The following CPS1 variants were observed in gnomAD, a reference collection of about 807,000 sequenced individuals.
CPS1 encodes carbamoyl-phosphate synthase 1.
A neutral mutation model predicts 174.6 loss-of-function variants in CPS1; 109 were observed. The observed-to-expected ratio is 0.62, with a 90% CI of 0.53 to 0.73. The LOEUF is 0.73. CPS1 is among the 30% of genes least tolerant of loss of function. CPS1 has a pLI of 0.00. For synonymous variants in CPS1, 637 were observed against 632.0 expected (o/e 1.01, Z -0.12); for missense variants, 1,689 against 1,821.9 (o/e 0.93, Z 1.33).
At chr2:210,665,066 G>C (rs1701047033) in intron 33 of CPS1, among the ~76,000 whole-genome samples, 1 of 152,190 alleles carries the variant, frequency 6.6e-6, no homozygotes, top group Non-Finnish European at 1.5e-5. Context: ...AACCTCGTCT[G>C]TGTTGTTGCA....
At chr2:210,615,491 A>G (rs1318127414) in intron 20 of CPS1, among the ~76,000 whole-genome samples, 2 of 152,116 alleles carry the variant, frequency 1.3e-5, no homozygotes, top group African/African-American at 4.8e-5. Context: ...CAGCAGAGTT[A>G]CTAGTTGCAT....
At chr2:210,560,403 T>C (rs1360033305) in intron 1 of CPS1, among the ~76,000 whole-genome samples, 1 of 152,172 alleles carries the variant, frequency 6.6e-6, no homozygotes, top group Non-Finnish European at 1.5e-5. Flanking sequence ...GTTTTATTTT[T>C]ACTTGCAAAT....
intron 1 of CPS1, among the ~76,000 whole-genome samples, chr2:210,550,279 C>T (rs1412635299): frequency 6.6e-6 from 1 of 151,830 alleles, no homozygotes; most frequent in Non-Finnish European, 1.5e-5. Flanking sequence ...CTTTTGCTAC[C>T]TCCCACTCAT....
intron 1 of CPS1, among the ~76,000 whole-genome samples, chr2:210,524,449 C>T (rs1311652681): frequency 6.6e-6 from 1 of 151,946 alleles, no homozygotes; most frequent in Admixed American, 6.6e-5. Flanking sequence ...AAGTTCCTGT[C>T]TCCATGGAGC....
chr2:210,542,559 A>G (rs1696460896), intron 1 of CPS1, among the ~76,000 whole-genome samples: 1 of 152,006 alleles, frequency 6.6e-6, no homozygotes, highest in East Asian at 1.9e-4. Flanking sequence ...CCTCCTAACA[A>G]AAACCAATCC....
intron 20 of CPS1, among the ~76,000 whole-genome samples, chr2:210,613,969 GAAGGGGAAA>G (rs1699219915): frequency 1.3e-5 from 2 of 152,010 alleles, no homozygotes; most frequent in African/African-American, 4.8e-5. Context: ...GTGGAGGGCT[GAAGGGGAAA>G]AAGAATGAAG....
chr2:210,504,366 A>G (rs1396091877), intron 1 of CPS1, among the ~76,000 whole-genome samples: 1 of 152,270 alleles, frequency 6.6e-6, no homozygotes, highest in East Asian at 1.9e-4. Context: ...TAAATTTTAC[A>G]TTAATAGCTA....
intron 34 of CPS1, 125 bp downstream of exon 34, chr2:210,668,409 TC>T: frequency 1.3e-6 from 1 of 762,842 alleles, no homozygotes; most frequent in Admixed American, 1.9e-5. Flanking sequence ...TATGGCAACT[TC>T]CAGGAAGAAG....
chr2:210,675,108 G>A (rs914023137), intron 35 of CPS1, 147 bp downstream of exon 35: 2 of 697,174 alleles, frequency 2.9e-6, no homozygotes, highest in African/African-American at 3.6e-5. Flanking sequence ...AAAACTTAGA[G>A]TCAAATCATT....
intron 33 of CPS1, 96 bp from the exon 34 acceptor site, chr2:210,668,076 ATGTGTGTGTGTGTG>A (rs3217217): frequency 7.5e-6 from 5 of 663,474 alleles, no homozygotes; most frequent in South Asian, 4.8e-5. Context: ...TTGTGCGTGC[ATGTGTGTGTGTGTG>A]TGTGTGTGTG....
At chr2:210,573,240 T>C in intron 1 of CPS1, 58 bp from the exon 2 acceptor site, 1 of 1,408,040 alleles carries the variant, frequency 7.1e-7, no homozygotes, top group Non-Finnish European at 1.0e-6. Context: ...ACCTTTGGAA[T>C]ATTTTTGTGT....
chr2:210,515,048 A>G lies in CPS1; in HGVS notation c.3+37282A>G, dbSNP rs905654955. On this transcript the variant is annotated intron_variant, in intron 1 of 38. Transcript: ENST00000430249. ...ACTTTACACCCTAGGAATGAAGGCT[A>G]CATCATCATGGTGAATTAACTTTTC... Among the ~76,000 whole-genome samples, 8 of 151,984 alleles carry G rather than the reference A, an allele frequency of 5.3e-5. No homozygotes were observed. The Middle Eastern group carries it at 0.01, about 194-fold the overall frequency.
intron 6 of CPS1, among the ~76,000 whole-genome samples, chr2:210,587,199 T>C (rs1225281913): frequency 6.6e-6 from 1 of 152,112 alleles, no homozygotes; most frequent in African/African-American, 2.4e-5. Context: ...GAGAGGTAGA[T>C]ATTTCAGTCA....
intron 1 of CPS1, among the ~76,000 whole-genome samples, chr2:210,480,754 T>G (rs1027799412): frequency 3.9e-5 from 6 of 152,226 alleles, no homozygotes; most frequent in Non-Finnish European, 8.8e-5. Context: ...CTTTTTTTGT[T>G]GTTGACATTA....
chr2:210,599,698 A>G (rs1418535759), intron 14 of CPS1, 137 bp downstream of exon 14: 1 of 863,720 alleles, frequency 1.2e-6, no homozygotes, highest in African/African-American at 1.7e-5. Context: ...GCAGTTAGCA[A>G]ACAGCCACTT....
chr2:210,655,662 C>T (rs773458974), intron 29 of CPS1, among the ~76,000 whole-genome samples: 3 of 152,102 alleles, frequency 2.0e-5, no homozygotes, highest in Non-Finnish European at 4.4e-5. Flanking sequence ...TGAGCAGGTA[C>T]CATTGTTATT....
chr2:210,551,157 GACTA>G (rs1696719673), intron 1 of CPS1, among the ~76,000 whole-genome samples: 1 of 151,464 alleles, frequency 6.6e-6, no homozygotes, highest in African/African-American at 2.4e-5. Context: ...TCTCTTTTTG[GACTA>G]ACTTACACGT....
At chr2:210,514,151 C>T (rs1330350365) in intron 1 of CPS1, among the ~76,000 whole-genome samples, 2 of 151,494 alleles carry the variant, frequency 1.3e-5, no homozygotes, top group Non-Finnish European at 3.0e-5. Flanking sequence ...GCTTAGTATT[C>T]CTTTGGCTTC....
At chr2:210,493,943 A>G (rs1383339453) in intron 1 of CPS1, among the ~76,000 whole-genome samples, 2 of 152,192 alleles carry the variant, frequency 1.3e-5, no homozygotes, top group East Asian at 3.8e-4. Flanking sequence ...TACACAGACT[A>G]TTTCAGGGAC....
Sources: allele counts gnomAD v4.1 joint callset (sites outside exome capture counted in the v4.1 genomes callset), GRCh38; gene constraint gnomAD v4.1.1; transcripts MANE v1.5; gene names NCBI Gene and HGNC (gene_info 2026-07-23, HGNC 2026-07-21).